Variants in NEK11 observed in about 807,000 individuals in gnomAD.
NEK11 encodes NIMA related kinase 11.
A neutral mutation model predicts 80.7 loss-of-function variants in NEK11; 72 were observed. The observed-to-expected ratio is 0.89, with a 90% CI of 0.74 to 1.08. The LOEUF (loss-of-function observed/expected upper bound fraction) is 1.08, where lower values mean the gene tolerates loss of function less well. NEK11 is among the 50% of genes least tolerant of loss of function. The pLI, the probability that NEK11 is intolerant of heterozygous loss-of-function variation, is 0.00. For missense variants in NEK11, 764 were observed against 763.6 expected (o/e 1.00, Z -0.01); for synonymous variants, 251 against 260.7 (o/e 0.96, Z 0.36).
At chr3:131,323,703 C>G (rs962137737) in intron 17 of NEK11, among the ~76,000 whole-genome samples, 2 of 152,188 alleles carry the variant, frequency 1.3e-5, no homozygotes, top group Non-Finnish European at 1.5e-5. Flanking sequence ...AACTATGCCT[C>G]TGGAGGCACT....
intron 16 of NEK11, among the ~76,000 whole-genome samples, chr3:131,248,437 A>T (rs982853334): frequency 6.6e-6 from 1 of 152,096 alleles, no homozygotes; most frequent in Non-Finnish European, 1.5e-5. Context: ...CATACAATAC[A>T]TAATAATCAT....
intron 14 of NEK11, among the ~76,000 whole-genome samples, chr3:131,173,680 C>T (rs758972011): frequency 6.6e-6 from 1 of 151,896 alleles, no homozygotes; most frequent in Non-Finnish European, 1.5e-5. Context: ...AAGGCAGAGT[C>T]TTTGTCATGT....
At chr3:131,208,743 A>C (rs886920727) in intron 14 of NEK11, among the ~76,000 whole-genome samples, 8 of 152,068 alleles carry the variant, frequency 5.3e-5, no homozygotes, top group Non-Finnish European at 1.0e-4. Context: ...ATGGGAGTTC[A>C]CTCATGATTT....
chr3:131,141,926 G>A (rs1036594580), intron 7 of NEK11, among the ~76,000 whole-genome samples: 3 of 152,178 alleles, frequency 2.0e-5, no homozygotes, highest in African/African-American at 7.2e-5. Context: ...GCTAAAGGCT[G>A]TTAAGCAGAG....
At chr3:131,121,275 A>G (rs1451665530) in intron 5 of NEK11, among the ~76,000 whole-genome samples, 2 of 152,200 alleles carry the variant, frequency 1.3e-5, no homozygotes, top group Admixed American at 1.3e-4. Flanking sequence ...TTGCCTGGGT[A>G]TCACCAGCAG....
intron 17 of NEK11, among the ~76,000 whole-genome samples, chr3:131,305,326 C>T (rs1034879922): frequency 6.6e-6 from 1 of 152,044 alleles, no homozygotes; most frequent in Non-Finnish European, 1.5e-5. Context: ...TCAACTGTGG[C>T]CTGCTGGTGA....
chr3:131,127,981 C>A (rs911622073), intron 5 of NEK11, among the ~76,000 whole-genome samples: 2 of 152,138 alleles, frequency 1.3e-5, no homozygotes, highest in African/African-American at 4.8e-5. Flanking sequence ...CTACTCAAAG[C>A]TCTGATTAAA....
intron 13 of NEK11, among the ~76,000 whole-genome samples, chr3:131,169,380 A>G (rs1219559613): frequency 3.3e-5 from 5 of 152,156 alleles, no homozygotes; most frequent in Admixed American, 6.5e-5. Flanking sequence ...CCTCTCAAAC[A>G]TGTTATAAAA....
chr3:131,265,833 C>T lies in NEK11; in HGVS notation c.1622-7645C>T, dbSNP rs530223192. On this transcript the variant is annotated intron_variant, in intron 16 of 17. Transcript: ENST00000383366. ...CCTCTGGTAGAATTCGGCTGTGAAT[C>T]CATCTGGTCCTGGACTTTTTTTGGT... 3.6e-4 allele frequency among the ~76,000 whole-genome samples: 55 copies of T among 152,284 alleles called. 1 individual carries two copies. The South Asian group carries it at 5.2e-3, about 14-fold the overall frequency.
intron 14 of NEK11, among the ~76,000 whole-genome samples, chr3:131,206,724 G>T (rs1163166934): frequency 1.3e-5 from 2 of 152,088 alleles, no homozygotes; most frequent in Non-Finnish European, 2.9e-5. Flanking sequence ...CAACGTGCAG[G>T]TTTGTTACAT....
intron 5 of NEK11, among the ~76,000 whole-genome samples, chr3:131,115,486 T>C (rs1013808206): frequency 1.3e-5 from 2 of 152,210 alleles, no homozygotes; most frequent in African/African-American, 4.8e-5. Context: ...AAGTGAAGAA[T>C]CTGTTCACTC....
chr3:131,308,172 G>A (rs1308753538), intron 17 of NEK11, among the ~76,000 whole-genome samples: 1 of 152,140 alleles, frequency 6.6e-6, no homozygotes, highest in South Asian at 2.1e-4. Context: ...GAGTGTTAAA[G>A]CACAATTACT....
Position 131,346,870 on chromosome 3 carries a change from G to T in NEK11, c.1719-2687G>T, listed in dbSNP as rs966872636. Reference sequence around the variant, plus strand: ...ATGAGGTCAATTGATATGATCATGGGAATGGGCAACTCAGGTAGGGTAAAA... The same window carrying T: ...ATGAGGTCAATTGATATGATCATGGTAATGGGCAACTCAGGTAGGGTAAAA... On this transcript the variant is annotated intron_variant, in intron 17 of 17. Coordinates refer to ENST00000383366, the MANE Select transcript of NEK11 (RefSeq NM_024800.5). Among the ~76,000 whole-genome samples, 9 of 152,138 alleles carry T rather than the reference G, an allele frequency of 5.9e-5. No homozygotes were observed. The South Asian group carries it at 8.3e-4, about 14-fold the overall frequency.
intron 17 of NEK11, among the ~76,000 whole-genome samples, chr3:131,313,619 T>C (rs1161744148): frequency 2.6e-5 from 4 of 152,200 alleles, no homozygotes; most frequent in African/African-American, 4.8e-5. Flanking sequence ...GTATATCTTC[T>C]TCTGAAAAGT....
intron 5 of NEK11, among the ~76,000 whole-genome samples, chr3:131,126,122 A>T (rs1371381619): frequency 6.6e-6 from 1 of 151,942 alleles, no homozygotes; most frequent in East Asian, 1.9e-4. Context: ...AAAGACTTTG[A>T]CTCCAATTGT....
At chr3:131,187,239 A>AT (rs1396915084) in intron 14 of NEK11, among the ~76,000 whole-genome samples, 1 of 152,202 alleles carries the variant, frequency 6.6e-6, no homozygotes, top group Admixed American at 6.5e-5. Context: ...GTGCTTAATA[A>AT]TTACACGTGG....
chr3:131,318,172 G>C (rs545807148), intron 17 of NEK11, among the ~76,000 whole-genome samples: 43 of 152,272 alleles, frequency 2.8e-4, no homozygotes, highest in Non-Finnish European at 1.0e-4. Context: ...GGAAGAAGAG[G>C]TGGGAAGGGA....
intron 16 of NEK11, among the ~76,000 whole-genome samples, chr3:131,268,961 C>T (rs1456884436): frequency 6.6e-6 from 1 of 152,214 alleles, no homozygotes; most frequent in African/African-American, 2.4e-5. Context: ...CGGTGATGCC[C>T]TGCCCAGAGA....
chr3:131,170,024 G>A (rs535130313), intron 13 of NEK11, among the ~76,000 whole-genome samples: 1 of 152,260 alleles, frequency 6.6e-6, no homozygotes, highest in East Asian at 1.9e-4. Context: ...CCGCACTGCA[G>A]TGTGGCATGG....
Sources: gnomAD v4.1 joint callset for allele counts (sites outside exome capture counted in the v4.1 genomes callset) on GRCh38, gnomAD v4.1.1 for gene constraint, MANE v1.5 for transcripts, NCBI Gene and HGNC (gene_info 2026-07-23, HGNC 2026-07-21) for gene names.